CEP112: variants seen among roughly 807,000 people sequenced by gnomAD.
CEP112 encodes the protein centrosomal protein 112, also known as centrosomal protein of 112 kDa.
CEP112 carries 127 observed loss-of-function variants against 153.0 expected under a neutral mutation model. The observed-to-expected ratio is 0.83, with a 90% CI of 0.72 to 0.96. The LOEUF is 0.96. CEP112 is among the 40% of genes least tolerant of loss of function. The pLI is 0.00. For missense variants in CEP112, 1,089 were observed against 1,101.2 expected (o/e 0.99, Z 0.16); for synonymous variants, 358 against 374.4 (o/e 0.96, Z 0.51).
intron 23 of CEP112, among the ~76,000 whole-genome samples, chr17:65,701,688 C>G (rs907838591): frequency 6.6e-6 from 1 of 152,056 alleles, no homozygotes; most frequent in South Asian, 2.1e-4. Context: ...GGTGGCCTTA[C>G]CATCATCTCA....
intron 17 of CEP112, among the ~76,000 whole-genome samples, chr17:65,988,231 T>C (rs959215931): frequency 2.0e-5 from 3 of 152,110 alleles, no homozygotes; most frequent in African/African-American, 7.2e-5. Context: ...GAGGCAGTGA[T>C]CTAGCGAGAT....
chr17:66,077,170 A>G (rs1243116409), intron 8 of CEP112, among the ~76,000 whole-genome samples: 1 of 152,184 alleles, frequency 6.6e-6, no homozygotes, highest in Non-Finnish European at 1.5e-5. Context: ...AAATCACACT[A>G]GCTCACCAGC....
intron 21 of CEP112, among the ~76,000 whole-genome samples, chr17:65,845,634 G>T (rs935262794): frequency 3.3e-5 from 5 of 151,964 alleles, no homozygotes; most frequent in Non-Finnish European, 5.9e-5. Context: ...AGCTGAATAG[G>T]TTTCTAAAAC....
intron 4 of CEP112, among the ~76,000 whole-genome samples, chr17:66,159,547 T>C (rs555108521): frequency 6.6e-6 from 1 of 152,312 alleles, no homozygotes; most frequent in East Asian, 1.9e-4. Context: ...TGGTTCAACA[T>C]ATGCAAATCA....
chr17:66,068,067 TTTATA>T (rs1175632114), intron 9 of CEP112, among the ~76,000 whole-genome samples: 6 of 152,204 alleles, frequency 3.9e-5, no homozygotes, highest in African/African-American at 1.4e-4. Context: ...CTATTGTTAA[TTTATA>T]TTATGTCAGA....
chr17:65,998,127 C>T (rs535492764), intron 17 of CEP112, among the ~76,000 whole-genome samples: 31 of 151,906 alleles, frequency 2.0e-4, no homozygotes, highest in African/African-American at 6.3e-4. Flanking sequence ...CACCTGTAAT[C>T]CCAGTATTTT....
In CEP112 at chr17:65,832,892, CA is replaced by C. The variant is rs1568086310; in HGVS notation, c.2394+18911del. On this transcript the variant is annotated intron_variant, in intron 21 of 26. Transcript: ENST00000535342. ...TCCTGACACCAAAACCTGGAACAGACAAAACAACAAAAAAAGAAAACTTTAG... is the reference window on the plus strand; with the variant it reads ...TCCTGACACCAAAACCTGGAACAGACAAACAACAAAAAAAGAAAACTTTAG... 2.6e-5 allele frequency among the ~76,000 whole-genome samples: 4 copies of C among 151,942 alleles called. No individual in the cohort carries two copies. In the South Asian group the frequency reaches 6.3e-4, roughly 24 times the overall value.
chr17:65,715,546 G>T (rs1443959743), intron 23 of CEP112, among the ~76,000 whole-genome samples: 2 of 151,942 alleles, frequency 1.3e-5, no homozygotes, highest in Non-Finnish European at 2.9e-5. Flanking sequence ...CACCTCCTGG[G>T]TTCATGCCAT....
intron 17 of CEP112, among the ~76,000 whole-genome samples, chr17:65,963,638 TATATAGATATCG>T (rs2062296583): frequency 6.6e-6 from 1 of 151,726 alleles, no homozygotes; most frequent in African/African-American, 2.4e-5. Context: ...ACAATATAGA[TATATAGATATCG>T]ATATAGATAT....
chr17:65,908,619 G>A (rs536161887), intron 19 of CEP112, among the ~76,000 whole-genome samples: 13 of 152,034 alleles, frequency 8.6e-5, no homozygotes, highest in Middle Eastern at 3.4e-3. Context: ...GCTTGAACCC[G>A]GGAGGTGGAG....
At chr17:66,154,041 T>C (rs937428497) in intron 4 of CEP112, among the ~76,000 whole-genome samples, 1 of 149,462 alleles carries the variant, frequency 6.7e-6, no homozygotes, top group Non-Finnish European at 1.5e-5. Flanking sequence ...CAGCCAGGTG[T>C]GGTGGCACAT....
At chr17:65,783,486 A>G (rs1171980234) in intron 21 of CEP112, among the ~76,000 whole-genome samples, 1 of 152,240 alleles carries the variant, frequency 6.6e-6, no homozygotes, top group African/African-American at 2.4e-5. Flanking sequence ...ATACTTGTAC[A>G]CAATTTATCA....
At chr17:65,837,217 G>A (rs1157750596) in intron 21 of CEP112, among the ~76,000 whole-genome samples, 15 of 152,156 alleles carry the variant, frequency 9.9e-5, no homozygotes, top group Non-Finnish European at 1.5e-4. Flanking sequence ...CCTCTGCCCG[G>A]CCGCCACCCC....
At chr17:66,109,193 T>C (rs1044193549) in intron 6 of CEP112, among the ~76,000 whole-genome samples, 1 of 152,176 alleles carries the variant, frequency 6.6e-6, no homozygotes, top group Non-Finnish European at 1.5e-5. Context: ...GAATAAGACC[T>C]AGTATTTGAT....
In CEP112 at chr17:66,132,724, G is replaced by A; in HGVS notation, c.510C>T (p.His170=). ...QYTGKLRVRS[H]SLSPTHREDG... is the part of the protein sequence containing the mutation. Reference sequence around the variant, plus strand: ...CTTCTCTGTGAGTTGGACTCAAGGAGTGTGATCTCACTCGGAGCTTCCCAG... The same window carrying A: ...CTTCTCTGTGAGTTGGACTCAAGGAATGTGATCTCACTCGGAGCTTCCCAG... Residue 170 remains histidine, a synonymous_variant, in exon 5 of 27, where the codon CAC becomes CAT. Coordinates refer to ENST00000535342, the MANE Select transcript of CEP112 (RefSeq NM_001199165.4). The A allele has an allele frequency of 6.2e-7, 1 of 1,613,964 alleles. No individual in the cohort carries two copies. The highest frequency in any genetic ancestry group is 8.5e-7 in the Non-Finnish European group (1 of 1,179,854).
chr17:65,875,589 T>C (rs1365578928), intron 20 of CEP112, among the ~76,000 whole-genome samples: 2 of 152,188 alleles, frequency 1.3e-5, no homozygotes, highest in Non-Finnish European at 2.9e-5. Flanking sequence ...CACTTCAAAA[T>C]ACAGTTGTGT....
intron 8 of CEP112, among the ~76,000 whole-genome samples, chr17:66,070,831 A>G (rs892500237): frequency 6.6e-6 from 1 of 151,960 alleles, no homozygotes; most frequent in Non-Finnish European, 1.5e-5. Context: ...CTCTTTTCCA[A>G]CTCTAATTCC....
intron 17 of CEP112, among the ~76,000 whole-genome samples, chr17:65,970,297 T>C (rs1272316566): frequency 7.8e-6 from 1 of 128,748 alleles, no homozygotes; most frequent in East Asian, 3.9e-4. Flanking sequence ...GATGTCATAC[T>C]GCATGTGTAT....
At chr17:65,827,234 G>T (rs1422578838) in intron 21 of CEP112, among the ~76,000 whole-genome samples, 1 of 152,152 alleles carries the variant, frequency 6.6e-6, no homozygotes, top group African/African-American at 2.4e-5. Flanking sequence ...CTGCTCCTCA[G>T]CTTGCCACAG....
Sources: allele counts gnomAD v4.1 joint callset (sites outside exome capture counted in the v4.1 genomes callset), GRCh38; gene constraint gnomAD v4.1.1; transcripts MANE v1.5; gene names NCBI Gene and HGNC (gene_info 2026-07-23, HGNC 2026-07-21).